The following HTR2C variants were observed in gnomAD, a reference collection of about 807,000 sequenced individuals.
HTR2C encodes the protein 5-hydroxytryptamine receptor 2C, also known as 5-hydroxytryptamine (serotonin) receptor 2C, G protein-coupled.
In HTR2C, 5 loss-of-function variants were observed where a neutral mutation model predicts 21.0. The ratio of observed to expected loss-of-function variants is 0.24; its 90% confidence interval spans 0.12 to 0.50. The LOEUF is 0.50. Ranked by LOEUF, HTR2C falls within the 20% of genes least tolerant of loss-of-function variation. HTR2C has a pLI of 0.98. For synonymous variants in HTR2C, 150 were observed against 145.3 expected, an observed-to-expected ratio of 1.03 and a Z score of -0.23; for missense variants, 271 against 371.2, an observed-to-expected ratio of 0.73 and a Z score of 2.22.
chrX:114,816,390 A>G (rs2147454910), intron 4 of HTR2C, among the ~76,000 whole-genome samples: 1 of 109,768 alleles, frequency 9.1e-6, no homozygotes, highest in South Asian at 3.8e-4. Flanking sequence ...ATCTGTAACT[A>G]CTTTATAAGG....
chrX:114,787,946 C>CAAAA (rs1204419085), intron 4 of HTR2C, among the ~76,000 whole-genome samples: 1 of 33,774 alleles, frequency 3.0e-5, no homozygotes, highest in African/African-American at 1.0e-4. Flanking sequence ...GACTCTGTCT[C>CAAAA]AAAAAAAAAA....
At chrX:114,809,236 TC>T (rs1246025342) in intron 4 of HTR2C, among the ~76,000 whole-genome samples, 1 of 109,413 alleles carries the variant, frequency 9.1e-6, no homozygotes, top group Non-Finnish European at 1.9e-5. Context: ...ATTCTTCCCT[TC>T]CCTTTCATCC....
At chrX:114,659,753 A>G (rs781887345) in intron 2 of HTR2C, among the ~76,000 whole-genome samples, 5 of 110,104 alleles carry the variant, frequency 4.5e-5, no homozygotes, top group Non-Finnish European at 7.6e-5. Context: ...TGAATACTGG[A>G]CTAGAAAAAA....
intron 1 of HTR2C, among the ~76,000 whole-genome samples, chrX:114,612,891 A>G (rs1569478184): frequency 1.8e-5 from 2 of 111,164 alleles, no homozygotes; most frequent in Admixed American, 9.5e-5. Flanking sequence ...TGGCTACTTC[A>G]TAGAGCAGCC....
At chrX:114,623,467 C>T (rs1215373375) in intron 2 of HTR2C, among the ~76,000 whole-genome samples, 1 of 112,294 alleles carries the variant, frequency 8.9e-6, no homozygotes. Flanking sequence ...AAGTTTCTGG[C>T]ATACAGAAGC....
At chrX:114,761,132 A>G (rs1212284234) in intron 4 of HTR2C, among the ~76,000 whole-genome samples, 1 of 111,618 alleles carries the variant, frequency 9.0e-6, no homozygotes, top group East Asian at 2.8e-4. Context: ...AAACATCAAT[A>G]TAATTTTAAG....
chrX:114,623,912 T>G (rs782641125), intron 2 of HTR2C, among the ~76,000 whole-genome samples: 2,213 of 93,352 alleles, frequency 0.024, 27 homozygotes, highest in Middle Eastern at 0.047. Flanking sequence ...TGTTGTTTTT[T>G]TTTTTTTTTT....
chrX:114,723,536 G>A (rs1556421164), intron 2 of HTR2C, among the ~76,000 whole-genome samples: 1 of 109,388 alleles, frequency 9.1e-6, no homozygotes, highest in Non-Finnish European at 1.9e-5. Context: ...TCTGATTTAA[G>A]TTATTTCTTG....
Position 114,654,332 on chromosome X carries a change from G to A in HTR2C, c.-80+40451G>A, listed in dbSNP as rs897524778. 7.8e-4 allele frequency among the ~76,000 whole-genome samples: 82 copies of A among 105,536 alleles called. 1 individual carries two copies. The highest frequency in any genetic ancestry group is 2.6e-3 in the African/African-American group (77 of 29,353). The allele number at this position is 105,536 out of a possible 115,157, so 91.6% of individuals were successfully genotyped here. A position where few individuals can be genotyped will look rare whatever the true frequency, so the allele number is the denominator to read the frequency against. The stretch of plus-strand genomic sequence containing the variant: ...TATATATCATATATATAATTTTTTC[G>A]CTAAAAACTCATGGTACCTACCTAG... On this transcript the variant is annotated intron_variant, in intron 2 of 5. Coordinates refer to ENST00000276198, the MANE Select transcript of HTR2C (RefSeq NM_000868.4).
chrX:114,775,856 A>G, intron 4 of HTR2C: 1 of 383,266 alleles, frequency 2.6e-6, no homozygotes, highest in Admixed American at 3.9e-5. Flanking sequence ...GCCATGGAAC[A>G]GGTCAGCATT....
chrX:114,749,453 C>CAAAAAAAAAAAAAA (rs782652879), intron 4 of HTR2C, among the ~76,000 whole-genome samples: 118 of 41,871 alleles, frequency 2.8e-3, no homozygotes, highest in East Asian at 3.7e-3. Context: ...GTCCATGTCT[C>CAAAAAAAAAAAAAA]AAAAAAAAAA....
chrX:114,867,588 ATGTC>A (rs2071055737), intron 5 of HTR2C, among the ~76,000 whole-genome samples: 1 of 111,478 alleles, frequency 9.0e-6, no homozygotes, highest in Admixed American at 9.6e-5. Flanking sequence ...GCCCAGACCA[ATGTC>A]CTGGAGATTT....
At chrX:114,729,558 T>C (rs1556422797) in intron 3 of HTR2C, among the ~76,000 whole-genome samples, 1 of 112,161 alleles carries the variant, frequency 8.9e-6, no homozygotes, top group African/African-American at 3.2e-5. Context: ...TTACTCATAT[T>C]AATCACAGAT....
At chrX:114,730,077 T>A (rs2069521082) in intron 3 of HTR2C, among the ~76,000 whole-genome samples, 1 of 111,870 alleles carries the variant, frequency 8.9e-6, no homozygotes, top group Admixed American at 9.6e-5. Context: ...TATTTCTTAG[T>A]TTTAAGCAGG....
At chrX:114,603,055 G>A (rs1327172472) in intron 1 of HTR2C, among the ~76,000 whole-genome samples, 34 of 110,541 alleles carry the variant, frequency 3.1e-4, no homozygotes, top group African/African-American at 9.8e-4. Flanking sequence ...AATAAATCAA[G>A]CGTGATCAGG....
At chrX:114,780,391 G>A (rs1439416848) in intron 4 of HTR2C, among the ~76,000 whole-genome samples, 1 of 111,741 alleles carries the variant, frequency 8.9e-6, no homozygotes, top group Non-Finnish European at 1.9e-5. Flanking sequence ...TCAGGACTGA[G>A]CAGCTATTGT....
At chrX:114,843,233 C>T (rs782102322) in intron 4 of HTR2C, among the ~76,000 whole-genome samples, 2 of 111,186 alleles carry the variant, frequency 1.8e-5, no homozygotes, top group Non-Finnish European at 3.8e-5. Context: ...TTAAAGCAAA[C>T]CAGAAGAACA....
chrX:114,628,047 A>G (rs1249880777), intron 2 of HTR2C, among the ~76,000 whole-genome samples: 1 of 112,196 alleles, frequency 8.9e-6, no homozygotes, highest in Admixed American at 9.5e-5. Context: ...GACCTATAAT[A>G]TCAAGATTGC....
intron 2 of HTR2C, among the ~76,000 whole-genome samples, chrX:114,683,101 GGAAGCCTAAT>G (rs1248340266): frequency 9.0e-6 from 1 of 111,561 alleles, no homozygotes; most frequent in African/African-American, 3.3e-5. Context: ...TGTCACTCTT[GGAAGCCTAAT>G]GAAACACTTA....
Sources: gnomAD v4.1 joint callset for allele counts (sites outside exome capture counted in the v4.1 genomes callset) on GRCh38, gnomAD v4.1.1 for gene constraint, MANE v1.5 for transcripts, NCBI Gene and HGNC (gene_info 2026-07-23, HGNC 2026-07-21) for gene names.